The following CENPE variants were observed in gnomAD, a reference collection of about 807,000 sequenced individuals.
The protein encoded by CENPE is centromere protein E, also known as centromere-associated protein E.
CENPE carries 145 observed loss-of-function variants against 336.1 expected under a neutral mutation model. The ratio of observed to expected loss-of-function variants is 0.43; its 90% CI spans 0.38 to 0.50. CENPE has a LOEUF of 0.50. Among genes scored for constraint, CENPE ranks in the 20% least tolerant of loss-of-function variants. The pLI is 0.00. For synonymous variants in CENPE, 1,013 were observed against 984.8 expected (o/e 1.03, Z -0.54); for missense variants, 2,719 against 3,023.3 (o/e 0.90, Z 2.36).
In CENPE at chr4:103,155,319, C is replaced by CT. The variant is rs34663259; in HGVS notation, c.3034-2070dup. 7.9e-5 allele frequency among the ~76,000 whole-genome samples: 12 copies of CT among 151,172 alleles called. No homozygotes were observed. In the East Asian group the frequency reaches 1.4e-3, roughly 17 times the overall value. On this transcript the variant is annotated intron_variant, in intron 24 of 48. Transcript: ENST00000265148. ...TAAAAGTGGAAGTTATTATTTCTTT[C>CT]TTTTTTTTTAGACAGGGTCTCACTC...
chr4:103,168,005 G>C (rs1172676933), intron 16 of CENPE, among the ~76,000 whole-genome samples: 1 of 152,130 alleles, frequency 6.6e-6, no homozygotes, highest in South Asian at 2.1e-4. Flanking sequence ...ACCCAGAAGG[G>C]AACATGCCCA....
At chr4:103,184,016 C>T (rs961662987) in intron 9 of CENPE, among the ~76,000 whole-genome samples, 2 of 152,086 alleles carry the variant, frequency 1.3e-5, no homozygotes, top group African/African-American at 4.8e-5. Flanking sequence ...ACTTCATTCA[C>T]CCACCCCATC....
chr4:103,176,111 T>G lies in CENPE; in HGVS notation c.1391-63A>C, dbSNP rs950360714. ...GTTTACCAAATTTCCTAAGTCAAAT[T>G]AAAGATTACTAAAAAAATTCTTATC... On this transcript the variant is annotated intron_variant, in intron 14 of 48. Transcript: ENST00000265148. 2.5e-5 allele frequency: 23 copies of G among 914,252 alleles called. No individual in the cohort carries two copies. The African/African-American group carries it at 3.9e-4, about 16-fold the overall frequency. 56.6% of individuals were successfully genotyped at this position (914,252 alleles called of 1,614,324 possible).
At chr4:103,107,129 G>C (rs2125823219) in intron 48 of CENPE, among the ~76,000 whole-genome samples, 1 of 152,336 alleles carries the variant, frequency 6.6e-6, no homozygotes, top group Non-Finnish European at 1.5e-5. Flanking sequence ...TGCACCTGTA[G>C]TCCTTGATGC....
chr4:103,117,406 A>T (rs912240172), intron 44 of CENPE, among the ~76,000 whole-genome samples: 2 of 152,156 alleles, frequency 1.3e-5, no homozygotes, highest in Non-Finnish European at 2.9e-5. Context: ...TCATTACAGT[A>T]TCATACAGAA....
rs72946177 is a variant in CENPE, at chr4:103,177,255, C to T, written c.1243-209G>A. Among the ~76,000 whole-genome samples the T allele has an allele frequency of 0.01, 1,516 of 151,334 alleles. 29 individuals carry two copies. The highest frequency in any genetic ancestry group is 0.035 in the African/African-American group (1,427 of 41,340). ...ACTCTAACTACCATTTTCTTTTTTT[C>T]CTACTTTGTCCTCCTCATCATTTAT... On this transcript the variant is annotated intron_variant, in intron 13 of 48. Transcript: ENST00000265148.
intron 16 of CENPE, among the ~76,000 whole-genome samples, chr4:103,173,304 A>C (rs896308690): frequency 2.0e-5 from 3 of 152,016 alleles, no homozygotes; most frequent in Non-Finnish European, 4.4e-5. Flanking sequence ...ATGAATATCT[A>C]TATGTTGAAG....
intron 9 of CENPE, among the ~76,000 whole-genome samples, chr4:103,184,665 A>C (rs151169085): frequency 3.9e-4 from 59 of 151,864 alleles, no homozygotes; most frequent in African/African-American, 1.4e-3. Context: ...CTCTTGATGG[A>C]TTTTCTATTC....
chr4:103,151,231 T>A lies in CENPE; in HGVS notation c.3384A>T (p.Lys1128Asn). The change falls in exon 26 of 49, where the codon AAA becomes AAT. Residue 1128 changes from lysine (K) to asparagine (N), a missense_variant. Lys to Asn is a moderately conservative substitution (Grantham distance 94, BLOSUM62 0). Coordinates refer to ENST00000265148, the MANE Select transcript of CENPE (RefSeq NM_001813.3). Reference sequence around the variant, plus strand: ...TTTAAAAATTCACCTTTTCCTTTAGTTTTTCTTCAACTTCTGCCAGTCTGT... The same window carrying A: ...TTTAAAAATTCACCTTTTCCTTTAGATTTTCTTCAACTTCTGCCAGTCTGT... ...TCDRLAEVEE[K>N]LKEKSQQLQE... is the part of the protein sequence containing the mutation. 1 of 1,591,722 alleles carries A rather than the reference T, an allele frequency of 6.3e-7. No individual in the cohort carries two copies. The highest frequency in any genetic ancestry group is 8.5e-7 in the Non-Finnish European group (1 of 1,174,934).
intron 25 of CENPE, 58 bp downstream of exon 25, chr4:103,152,989 A>C: frequency 1.6e-6 from 2 of 1,276,322 alleles, no homozygotes; most frequent in Non-Finnish European, 2.2e-6. Flanking sequence ...AAGTTGATAA[A>C]AATCTGAAAC....
At chr4:103,183,765 T>C (rs756522807) in intron 9 of CENPE, among the ~76,000 whole-genome samples, 18 of 152,134 alleles carry the variant, frequency 1.2e-4, no homozygotes, top group Non-Finnish European at 2.5e-4. Context: ...CCAGTTCCTA[T>C]ACCTCTACCA....
Position 103,147,493 on chromosome 4 carries a change from A to C in CENPE, c.3997T>G (p.Leu1333Val). The change falls in exon 29 of 49, where the codon TTG (leucine) becomes GTG (valine). Residue 1333 changes from leucine to valine, a missense_variant. This residue lies in a region of CENPE where 2,437 missense variants were observed against 2,513.3 expected (regional missense o/e 0.97). Coordinates refer to ENST00000265148, the MANE Select transcript of CENPE (RefSeq NM_001813.3). The stretch of plus-strand genomic sequence containing the variant: ...TGACTTTCTTGAAATTTTTCATTCA[A>C]CCTGAGCCTTTCCATTTCTATTCTT... ...LARIEMERLR[L>V]NEKFQESQEE... 5 of 1,613,884 alleles carry C rather than the reference A, an allele frequency of 3.1e-6. No homozygotes were observed. Among genetic ancestry groups the C allele is most frequent in the Non-Finnish European group, 4.2e-6 (5 of 1,179,964 alleles).
chr4:103,183,979 T>C (rs1319783365), intron 9 of CENPE, among the ~76,000 whole-genome samples: 3 of 152,196 alleles, frequency 2.0e-5, no homozygotes, highest in Non-Finnish European at 2.9e-5. Flanking sequence ...TTTTAAAGTA[T>C]AAAATTCCAT....
At chr4:103,113,066 A>G (rs1439015213) in intron 46 of CENPE, among the ~76,000 whole-genome samples, 1 of 116,360 alleles carries the variant, frequency 8.6e-6, no homozygotes, top group African/African-American at 3.7e-5. Flanking sequence ...ATAAGTGTAT[A>G]TATATACTTA....
chr4:103,197,539 C>T (rs548995967), intron 1 of CENPE, among the ~76,000 whole-genome samples: 2 of 152,308 alleles, frequency 1.3e-5, no homozygotes, highest in East Asian at 3.9e-4. Context: ...AATTCCTGAT[C>T]TTGGTATTTG....
At chr4:103,193,452 A>G (rs1757514911) in intron 8 of CENPE, among the ~76,000 whole-genome samples, 1 of 152,112 alleles carries the variant, frequency 6.6e-6, no homozygotes, top group Admixed American at 6.5e-5. Context: ...TTTTCCCTGA[A>G]GTTTTCTAAT....
At chr4:103,112,765 CTTAT>C (rs1560588099) in intron 46 of CENPE, among the ~76,000 whole-genome samples, 1 of 85,172 alleles carries the variant, frequency 1.2e-5, no homozygotes, top group Non-Finnish European at 2.2e-5. Flanking sequence ...TATATATATA[CTTAT>C]AAGTATATAA....
chr4:103,149,480 G>T, intron 26 of CENPE, 72 bp from the exon 27 acceptor site: 1 of 1,318,560 alleles, frequency 7.6e-7, no homozygotes, highest in Non-Finnish European at 1.0e-6. Context: ...ATCATTAACA[G>T]CCTTGCCTCC....
chr4:103,151,836 C>T (rs1045526323), intron 25 of CENPE, among the ~76,000 whole-genome samples: 1 of 152,180 alleles, frequency 6.6e-6, no homozygotes, highest in African/African-American at 2.4e-5. Flanking sequence ...CACACAGTGA[C>T]ATTCTCACGT....
Sources: allele counts gnomAD v4.1 joint callset (sites outside exome capture counted in the v4.1 genomes callset), GRCh38; gene constraint gnomAD v4.1.1; regional missense constraint gnomAD v4.1.1; transcripts MANE v1.5; gene names NCBI Gene and HGNC (gene_info 2026-07-23, HGNC 2026-07-21).